ZNF410: variants seen among roughly 807,000 people sequenced by gnomAD.
ZNF410 encodes the protein another partner for ARF 1.
In ZNF410, 18 loss-of-function variants were observed where a neutral mutation model predicts 54.8. That is an observed-to-expected ratio of 0.33 (90% confidence interval 0.23 to 0.49). The LOEUF (loss-of-function observed/expected upper bound fraction) is 0.49, where lower values mean the gene tolerates loss of function less well. ZNF410 is among the 20% of genes least tolerant of loss of function. The pLI, the probability that ZNF410 is intolerant of heterozygous loss-of-function variation, is 0.99. For missense variants in ZNF410, 405 were observed against 569.6 expected, an observed-to-expected ratio of 0.71 and a Z score of 2.94; for synonymous variants, 191 against 207.3, an observed-to-expected ratio of 0.92 and a Z score of 0.68.
intron 5 of ZNF410, chr14:73,902,157 C>T (rs946820504): frequency 6.6e-6 from 1 of 151,164 alleles, no homozygotes; most frequent in African/African-American, 2.4e-5. Context: ...CAAGCTCCAC[C>T]TCCTGGGTTC....
At chr14:73,920,818 T>TC (rs2055744497) in intron 8 of ZNF410, 162 bp from the exon 9 acceptor site, 2 of 804,118 alleles carry the variant, frequency 2.5e-6, no homozygotes, top group Middle Eastern at 2.5e-4. Flanking sequence ...CTTCCTGCCT[T>TC]CCCCCATATA....
rs2055441217 is a variant in ZNF410 at position 73,903,714 on chromosome 14, A to G, written c.581-246A>G. On this transcript the variant is annotated intron_variant, in intron 5 of 11. Transcript: ENST00000555044. Reference sequence around the variant, plus strand: ...ATGGTTTCACCATGTTGCCCATGCTAGTCTCGGAACACCTGGGCTCAAGCA... The same window carrying G: ...ATGGTTTCACCATGTTGCCCATGCTGGTCTCGGAACACCTGGGCTCAAGCA... 1.5e-5 allele frequency: 7 copies of G among 481,844 alleles called. No homozygotes were observed. In the East Asian group the frequency reaches 1.7e-4, roughly 12 times the overall value. The allele number at this position is 481,844 out of a possible 1,614,324, so 29.8% of individuals were successfully genotyped here. A position where few individuals can be genotyped will look rare whatever the true frequency, so the allele number is the denominator to read the frequency against.
At chr14:73,920,232 C>T (rs893349394) in intron 8 of ZNF410, 2 of 151,946 alleles carry the variant, frequency 1.3e-5, no homozygotes, top group African/African-American at 4.8e-5. Flanking sequence ...TGAATTTGTT[C>T]CTAGCATTTA....
chr14:73,888,626 C>T (rs1179197237), intron 1 of ZNF410, among the ~76,000 whole-genome samples: 8 of 152,008 alleles, frequency 5.3e-5, no homozygotes, highest in African/African-American at 1.5e-4. Flanking sequence ...GGTATGTGAA[C>T]GATATCTTAG....
At chr14:73,922,407 A>C in intron 10 of ZNF410, 1 of 388,980 alleles carries the variant, frequency 2.6e-6, no homozygotes, top group Non-Finnish European at 4.4e-6. Flanking sequence ...TAATATAATA[A>C]AAGAATAAAA....
At chr14:73,916,979 C>CA (rs538619885) in intron 8 of ZNF410, among the ~76,000 whole-genome samples, 5 of 151,746 alleles carry the variant, frequency 3.3e-5, no homozygotes, top group Non-Finnish European at 7.4e-5. Context: ...GACTGCGTCT[C>CA]AAAAAAATAA....
At chr14:73,929,597 G>A (rs992228380) in intron 11 of ZNF410, among the ~76,000 whole-genome samples, 3 of 152,126 alleles carry the variant, frequency 2.0e-5, no homozygotes, top group Non-Finnish European at 4.4e-5. Context: ...AGCACTTTGG[G>A]AGGCTGGGGT....
At chr14:73,911,013 G>A (rs1355105647) in intron 8 of ZNF410, among the ~76,000 whole-genome samples, 2 of 152,076 alleles carry the variant, frequency 1.3e-5, no homozygotes, top group South Asian at 2.1e-4. Flanking sequence ...TAAGTTTGTT[G>A]GAGGTGAGAA....
chr14:73,907,487 C>T (rs1029361352), intron 7 of ZNF410, among the ~76,000 whole-genome samples: 61 of 151,888 alleles, frequency 4.0e-4, no homozygotes, highest in African/African-American at 1.4e-3. Flanking sequence ...CCCAGTTACT[C>T]GGGAGGCTGA....
rs933490101 is a variant in ZNF410, at chr14:73,903,849, T to C, written c.581-111T>C. The C allele has an allele frequency of 2.2e-6, 3 of 1,386,250 alleles. No individual in the cohort carries two copies. The African/African-American group carries it at 4.3e-5, about 20-fold the overall frequency. 85.9% of individuals were successfully genotyped at this position (1,386,250 alleles called of 1,614,324 possible). Reference sequence around the variant, plus strand: ...CAAAGATAACTGGGGAAGATGAAGATAGATACCTGATTAATGATCACTAGG... The same window carrying C: ...CAAAGATAACTGGGGAAGATGAAGACAGATACCTGATTAATGATCACTAGG... On this transcript the variant is annotated intron_variant, in intron 5 of 11. Transcript: ENST00000555044.
chr14:73,909,295 T>G (rs1435651662), intron 7 of ZNF410, 46 bp from the exon 8 acceptor site: 2 of 1,496,570 alleles, frequency 1.3e-6, no homozygotes, highest in Non-Finnish European at 1.8e-6. Context: ...TAACAGGTAA[T>G]CAGTTCATCA....
At chr14:73,930,455 GCC>G (rs1310486368) in intron 11 of ZNF410, among the ~76,000 whole-genome samples, 1 of 151,582 alleles carries the variant, frequency 6.6e-6, no homozygotes, top group African/African-American at 2.4e-5. Context: ...GAGCCATGGT[GCC>G]CAGCCCAATC....
Position 73,896,452 on chromosome 14 carries a change from C to G in ZNF410, c.306C>G (p.Ser102=). 1 of 1,614,152 alleles carries G rather than the reference C, an allele frequency of 6.2e-7. No homozygotes were observed. The highest frequency in any genetic ancestry group is 8.5e-7 in the Non-Finnish European group (1 of 1,180,036). Residue 102 remains serine, a synonymous_variant, in exon 4 of 12, where the codon TCC becomes TCG. Coordinates refer to ENST00000555044, the MANE Select transcript of ZNF410 (RefSeq NM_021188.3). ...QTVQKSPEFL[S]TSESSSLLQD... is the part of the protein sequence containing the mutation. ...TACAGAAATCCCCGGAGTTTTTGTC[C>G]ACTTCAGAGTCTTCTAGCTTGTTGC...
intron 8 of ZNF410, among the ~76,000 whole-genome samples, chr14:73,918,197 A>G (rs2055698170): frequency 6.6e-6 from 1 of 151,656 alleles, no homozygotes; most frequent in African/African-American, 2.4e-5. Context: ...TGAAACTTCC[A>G]CCTCCTGGGT....
chr14:73,894,961 G>A (rs747345831), intron 3 of ZNF410, among the ~76,000 whole-genome samples: 2 of 151,992 alleles, frequency 1.3e-5, no homozygotes, highest in Non-Finnish European at 2.9e-5. Flanking sequence ...CCAGGAGATT[G>A]AGACCAGCCT....
intron 8 of ZNF410, chr14:73,916,244 T>C (rs563351569): frequency 1.3e-5 from 2 of 152,146 alleles, no homozygotes; most frequent in Non-Finnish European, 2.9e-5. Flanking sequence ...ATCTTTAGCT[T>C]TTCTATGAGG....
intron 1 of ZNF410, among the ~76,000 whole-genome samples, chr14:73,889,563 G>A (rs2055193987): frequency 6.6e-6 from 1 of 151,944 alleles, no homozygotes. Flanking sequence ...AATGATTTCT[G>A]CATACTTCTG....
intron 2 of ZNF410, 37 bp from the exon 3 acceptor site, chr14:73,893,759 CA>C: frequency 6.4e-7 from 1 of 1,573,348 alleles, no homozygotes; most frequent in African/African-American, 1.4e-5. Flanking sequence ...ACATTTCTAA[CA>C]ACTCGTATTT....
chr14:73,904,525 G>A (rs1004963976), intron 6 of ZNF410, among the ~76,000 whole-genome samples: 5 of 152,032 alleles, frequency 3.3e-5, no homozygotes, highest in African/African-American at 7.3e-5. Flanking sequence ...GTACAGTGGC[G>A]CCATCATAGC....
Sources: gnomAD v4.1 joint callset for allele counts (sites outside exome capture counted in the v4.1 genomes callset) on GRCh38, gnomAD v4.1.1 for gene constraint, MANE v1.5 for transcripts, NCBI Gene and HGNC (gene_info 2026-07-23, HGNC 2026-07-21) for gene names.